The following BICC1 variants were observed in gnomAD, a reference collection of about 807,000 sequenced individuals.
BICC1 encodes the protein BicC family RNA binding protein 1.
A neutral mutation model predicts 111.0 loss-of-function variants in BICC1; 43 were observed. The ratio of observed to expected loss-of-function variants is 0.39; its 90% CI spans 0.30 to 0.50. The LOEUF (loss-of-function observed/expected upper bound fraction) is 0.50. Among genes scored for constraint, BICC1 ranks in the 20% least tolerant of loss-of-function variants. The pLI, the probability that BICC1 is intolerant of heterozygous loss-of-function variation, is 0.88. For missense variants in BICC1, 1,091 were observed against 1,203.2 expected (o/e 0.91, Z 1.38); for synonymous variants, 467 against 434.4 (o/e 1.07, Z -0.93).
intron 1 of BICC1, among the ~76,000 whole-genome samples, chr10:58,571,004 T>G (rs1001856455): frequency 2.6e-5 from 4 of 152,200 alleles, no homozygotes; most frequent in Non-Finnish European, 5.9e-5. Context: ...AGCAAAGGTA[T>G]CCACTTCACC....
intron 3 of BICC1, among the ~76,000 whole-genome samples, chr10:58,749,722 G>A (rs1172610651): frequency 6.6e-6 from 1 of 152,136 alleles, no homozygotes; most frequent in Non-Finnish European, 1.5e-5. Context: ...GTGCCCTCCA[G>A]ACCCTTAGTT....
At chr10:58,823,602 C>T (rs1397139973) in intron 20 of BICC1, 1 of 985,204 alleles carries the variant, frequency 1.0e-6, no homozygotes, top group Non-Finnish European at 1.2e-6. Context: ...ACTTTGTCTT[C>T]ATGGCCCAGT....
intron 15 of BICC1, among the ~76,000 whole-genome samples, chr10:58,806,013 A>G (rs1257680854): frequency 6.6e-6 from 1 of 152,240 alleles, no homozygotes; most frequent in African/African-American, 2.4e-5. Context: ...ATTTTATGGC[A>G]TTGCTTAATG....
At chr10:58,816,753 G>C (rs1844103941) in intron 18 of BICC1, among the ~76,000 whole-genome samples, 1 of 118,400 alleles carries the variant, frequency 8.4e-6, no homozygotes, top group African/African-American at 3.0e-5. Context: ...GGCTGTGTGT[G>C]TGTGTGTGTG....
chr10:58,777,529 C>T (rs949346300), intron 3 of BICC1, among the ~76,000 whole-genome samples: 2 of 152,070 alleles, frequency 1.3e-5, no homozygotes, highest in African/African-American at 2.4e-5. Context: ...AATGGACCTC[C>T]CACCCTTTCC....
intron 3 of BICC1, among the ~76,000 whole-genome samples, chr10:58,782,786 C>G (rs924211232): frequency 6.6e-6 from 1 of 152,162 alleles, no homozygotes; most frequent in African/African-American, 2.4e-5. Flanking sequence ...CTGGAAGGTT[C>G]CAGCTCAGCC....
At chr10:58,551,534 A>T (rs1217538654) in intron 1 of BICC1, among the ~76,000 whole-genome samples, 1 of 152,140 alleles carries the variant, frequency 6.6e-6, no homozygotes, top group Non-Finnish European at 1.5e-5. Context: ...GTAGTTTTCA[A>T]GTATACAGTA....
At chr10:58,713,235 C>T (rs1449081844) in intron 3 of BICC1, among the ~76,000 whole-genome samples, 1 of 152,168 alleles carries the variant, frequency 6.6e-6, no homozygotes, top group South Asian at 2.1e-4. Context: ...GTGACTGCTG[C>T]TCTCTGCTTT....
At chr10:58,530,065 G>A (rs908276917) in intron 1 of BICC1, among the ~76,000 whole-genome samples, 1 of 151,660 alleles carries the variant, frequency 6.6e-6, no homozygotes. Flanking sequence ...TGGGACTGCA[G>A]AATTAAATGA....
intron 1 of BICC1, among the ~76,000 whole-genome samples, chr10:58,515,399 G>A (rs1002346803): frequency 1.3e-5 from 2 of 152,106 alleles, no homozygotes; most frequent in Non-Finnish European, 2.9e-5. Context: ...AAGCTATATG[G>A]TATAGTCTAT....
At chr10:58,538,251 A>T (rs1342991004) in intron 1 of BICC1, among the ~76,000 whole-genome samples, 3 of 152,038 alleles carry the variant, frequency 2.0e-5, no homozygotes, top group African/African-American at 7.2e-5. Context: ...TTACCAAAAC[A>T]GTATGGTACT....
At chr10:58,664,790 C>T (rs1838957199) in intron 2 of BICC1, among the ~76,000 whole-genome samples, 1 of 151,662 alleles carries the variant, frequency 6.6e-6, no homozygotes, top group African/African-American at 2.4e-5. Context: ...AAAATTAATA[C>T]CCACAATGGT....
At chr10:58,522,321 C>A (rs1484212394) in intron 1 of BICC1, among the ~76,000 whole-genome samples, 1 of 151,978 alleles carries the variant, frequency 6.6e-6, no homozygotes, top group African/African-American at 2.4e-5. Context: ...CACTCCTTAG[C>A]AAATGTAAAA....
chr10:58,799,361 G>T, intron 12 of BICC1, 109 bp downstream of exon 12: 2 of 739,504 alleles, frequency 2.7e-6, no homozygotes, highest in Non-Finnish European at 3.9e-6. Context: ...TCTGCTGTTT[G>T]TAAGAGATAA....
intron 2 of BICC1, among the ~76,000 whole-genome samples, chr10:58,627,477 G>A (rs750373324): frequency 5.0e-4 from 76 of 152,232 alleles, no homozygotes; most frequent in African/African-American, 1.8e-3. Context: ...TCCCTTAATC[G>A]AAAGATCTTG....
At chr10:58,661,804 C>T (rs920124960) in intron 2 of BICC1, among the ~76,000 whole-genome samples, 5 of 152,036 alleles carry the variant, frequency 3.3e-5, no homozygotes, top group African/African-American at 7.2e-5. Flanking sequence ...TGAATTTATA[C>T]TTCAAATCTG....
chr10:58,732,088 A>C (rs984052435), intron 3 of BICC1, among the ~76,000 whole-genome samples: 1 of 152,060 alleles, frequency 6.6e-6, no homozygotes, highest in African/African-American at 2.4e-5. Context: ...TTTGGCTTTC[A>C]ACATGCCTTG....
intron 2 of BICC1, 81 bp from the exon 3 acceptor site, chr10:58,701,993 A>G (rs747328955): frequency 1.9e-5 from 20 of 1,075,284 alleles, no homozygotes; most frequent in Non-Finnish European, 2.7e-5. Flanking sequence ...ACTTGAAAAT[A>G]AACTTTTTTG....
chr10:58,600,496 A>G (rs917631176), intron 1 of BICC1, among the ~76,000 whole-genome samples: 1 of 152,190 alleles, frequency 6.6e-6, no homozygotes, highest in Non-Finnish European at 1.5e-5. Context: ...GCTGTTTTGT[A>G]CATTCATTTT....
Sources: gnomAD v4.1 joint callset for allele counts (sites outside exome capture counted in the v4.1 genomes callset) on GRCh38, gnomAD v4.1.1 for gene constraint, MANE v1.5 for transcripts, NCBI Gene and HGNC (gene_info 2026-07-23, HGNC 2026-07-21) for gene names.